The following DTD2 variants were observed in gnomAD, a reference collection of about 807,000 sequenced individuals.
DTD2 encodes the protein D-aminoacyl-tRNA deacylase 2.
DTD2 carries 12 observed loss-of-function variants against 15.5 expected under a neutral mutation model. That is an observed-to-expected ratio of 0.77 (90% CI 0.50 to 1.25). DTD2 has a LOEUF of 1.25. DTD2 is among the 50% of genes most tolerant of loss of function. The pLI is 0.00. For synonymous variants in DTD2, 59 were observed against 77.3 expected (o/e 0.76, Z 1.24); for missense variants, 170 against 201.1 (o/e 0.85, Z 0.93).
intron 2 of DTD2, 114 bp downstream of exon 2, chr14:31,453,161 A>T (rs1329418645): frequency 2.7e-5 from 26 of 955,930 alleles, no homozygotes; most frequent in Non-Finnish European, 3.8e-5. Flanking sequence ...CTGGCTTCTA[A>T]CTCCTGGGTT....
At chr14:31,453,444 G>C (rs550378404) in intron 1 of DTD2, 100 bp from the exon 2 acceptor site, 1 of 955,398 alleles carries the variant, frequency 1.0e-6, no homozygotes. Flanking sequence ...TATAGACATA[G>C]AGGTTAAAAG....
At position 31,453,311 on chromosome 14, in the gene DTD2, A is replaced by G; in HGVS notation, c.145T>C (p.Phe49Leu). ...AGAAGTTCTTTATCAGCTCCCTTGAAAAAGCACACGTAGATCACCAGTCCT... is the reference window on the plus strand; with the variant it reads ...AGAAGTTCTTTATCAGCTCCCTTGAGAAAGCACACGTAGATCACCAGTCCT... ...QRGLVIYVCF[F>L]KGADKELLPK... The change falls in exon 2 of 3, where the codon TTC becomes CTC. Residue 49 changes from phenylalanine (F) to leucine (L), a missense_variant. Physicochemically the swap from Phe to Leu is conservative, Grantham distance 22. Coordinates refer to ENST00000310850, the MANE Select transcript of DTD2 (RefSeq NM_080664.3). The G allele has an allele frequency of 6.2e-7, 1 of 1,614,108 alleles. No individual in the cohort carries two copies. The highest frequency in any genetic ancestry group is 8.5e-7 in the Non-Finnish European group (1 of 1,180,022).
intron 2 of DTD2, chr14:31,452,265 A>G (rs2139362182): frequency 6.6e-6 from 1 of 152,372 alleles, no homozygotes; most frequent in East Asian, 1.9e-4. Flanking sequence ...CATCTTGTAT[A>G]TACAGTGTCA....
chr14:31,452,619 C>T (rs2032049835), intron 2 of DTD2: 1 of 152,112 alleles, frequency 6.6e-6, no homozygotes, highest in Admixed American at 6.5e-5. Flanking sequence ...TTAATGGATA[C>T]AAAATTATAG....
At chr14:31,450,608 A>T (rs2139361044) in intron 2 of DTD2, among the ~76,000 whole-genome samples, 1 of 152,282 alleles carries the variant, frequency 6.6e-6, no homozygotes, top group East Asian at 1.9e-4. Context: ...AGCCTGCTGG[A>T]ATAGAGGGAA....
At chr14:31,455,506 G>C (rs1270744414) in intron 1 of DTD2, among the ~76,000 whole-genome samples, 1 of 139,100 alleles carries the variant, frequency 7.2e-6, no homozygotes, top group Non-Finnish European at 1.5e-5. Flanking sequence ...AGCCGAGATT[G>C]CGCCATTGCA....
chr14:31,457,314 G>A lies in DTD2; in HGVS notation c.80C>T (p.Ala27Val), dbSNP rs776132345. Residue 27 changes from alanine to valine, a missense_variant, in exon 1 of 3, where the codon GCC becomes GTC. By Grantham distance (64) the Ala-to-Val change is moderately conservative (BLOSUM62 0). Coordinates refer to ENST00000310850, the MANE Select transcript of DTD2 (RefSeq NM_080664.3). ...CLHARLQIRP[A>V]DGDVAAQWVE... ...CCACTGGGCCGCGACGTCCCCATCG[G>A]CTGGGCGAATTTGCAGCCGGGCGTG... 4.4e-6 allele frequency: 7 copies of A among 1,593,798 alleles called. No individual in the cohort carries two copies. The Admixed American group carries it at 8.7e-5, about 20-fold the overall frequency.
chr14:31,457,072 G>A lies in DTD2; in HGVS notation c.111+211C>T, dbSNP rs149886739. On this transcript the variant is annotated intron_variant, in intron 1 of 2. Coordinates refer to ENST00000310850, the MANE Select transcript of DTD2 (RefSeq NM_080664.3). The stretch of plus-strand genomic sequence containing the variant: ...GGGAGACACGCTCTTCCTCTCGGGT[G>A]CTACAACTGGCGCTGGGGAACGGTG... 1,379 of 570,634 alleles carry A rather than the reference G, an allele frequency of 2.4e-3. 8 individuals carry two copies. The highest frequency in any genetic ancestry group is 8.5e-3 in the South Asian group (407 of 47,922). The allele number at this position is 570,634 out of a possible 1,614,324, so 35.3% of individuals were successfully genotyped here. A position where few individuals can be genotyped will look rare whatever the true frequency, so the allele number is the denominator to read the frequency against.
Position 31,455,102 on chromosome 14 carries a change from T to C in DTD2, c.112-1758A>G, listed in dbSNP as rs527607930. Among the ~76,000 whole-genome samples, 3 of 152,322 alleles carry C rather than the reference T, an allele frequency of 2.0e-5. No individual in the cohort carries two copies. The East Asian group carries it at 5.8e-4, about 29-fold the overall frequency. ...AAGCCTTTAAAATAGTTTTTAAGTT[T>C]ATAAACACAAACTGATAGTTTGGAT... On this transcript the variant is annotated intron_variant, in intron 1 of 2. Coordinates refer to ENST00000310850, the MANE Select transcript of DTD2 (RefSeq NM_080664.3).
rs199939711 is a variant in DTD2 at position 31,453,286 on chromosome 14, A to G, written c.170T>C (p.Leu57Pro). ...CFFKGADKEL[L>P]PKMVNTLLNV... is the part of the protein sequence containing the mutation. The stretch of plus-strand genomic sequence containing the variant: ...AGTCAAACACATACCCATTTTGGGA[A>G]GAAGTTCTTTATCAGCTCCCTTGAA... The change falls in exon 2 of 3, where the codon CTT (leucine) becomes CCT (proline). Residue 57 changes from leucine to proline, a missense_variant. Coordinates refer to ENST00000310850, the MANE Select transcript of DTD2 (RefSeq NM_080664.3). The G allele has an allele frequency of 4.3e-6, 7 of 1,614,038 alleles. No individual in the cohort carries two copies. Among genetic ancestry groups the G allele is most frequent in the Non-Finnish European group, 5.9e-6 (7 of 1,180,002 alleles).
In DTD2 at chr14:31,448,192, A is replaced by G. The variant is rs780150546; in HGVS notation, c.444T>C (p.Tyr148=). ...CCAGCTTTAACACCTGCCTGTTCCC[A>G]TAAGTGCCATGTTCCACTACAACCC... ...EARVVVEHGT[Y]GNRQVLKLDT... Residue 148 remains tyrosine (Y), a synonymous_variant, in exon 3 of 3, where the codon TAT becomes TAC. Transcript: ENST00000310850. 21 of 1,614,056 alleles carry G rather than the reference A, an allele frequency of 1.3e-5. No homozygotes were observed. The highest frequency in any genetic ancestry group is 4.4e-5 in the South Asian group (4 of 91,080).
chr14:31,448,583 CTATT>C, intron 2 of DTD2, 129 bp from the exon 3 acceptor site: 1 of 745,744 alleles, frequency 1.3e-6, no homozygotes, highest in South Asian at 2.0e-5. Context: ...CCCAAAGTCT[CTATT>C]TAGATTTAAA....
rs980429080 is a variant in DTD2, at chr14:31,448,164, T to C, written c.472A>G (p.Thr158Ala). 10 of 1,613,802 alleles carry C rather than the reference T, an allele frequency of 6.2e-6. No homozygotes were observed. Among genetic ancestry groups the C allele is most frequent in the Non-Finnish European group, 8.5e-6 (10 of 1,179,826 alleles). The change falls in exon 3 of 3, where the codon ACC (threonine) becomes GCC (alanine). Residue 158 changes from threonine (T) to alanine (A), a missense_variant. By Grantham distance (58) the Thr-to-Ala change is moderately conservative. Transcript: ENST00000310850. ...YGNRQVLKLD[T>A]NGPFTHLIEF ...ATTAAGTGTGTGAATGGTCCGTTGG[T>C]GTCCAGCTTTAACACCTGCCTGTTC...
chr14:31,456,491 C>T (rs1362892583), intron 1 of DTD2, among the ~76,000 whole-genome samples: 1 of 152,048 alleles, frequency 6.6e-6, no homozygotes, highest in Non-Finnish European at 1.5e-5. Flanking sequence ...CCGAATTCAG[C>T]AGAAAAGGCG....
intron 2 of DTD2, among the ~76,000 whole-genome samples, chr14:31,450,082 C>T (rs1026195638): frequency 6.6e-6 from 1 of 152,186 alleles, no homozygotes; most frequent in Non-Finnish European, 1.5e-5. Context: ...TCATTCCACT[C>T]GAAATCACTA....
intron 2 of DTD2, among the ~76,000 whole-genome samples, chr14:31,449,572 T>C (rs957399223): frequency 2.6e-5 from 4 of 152,236 alleles, no homozygotes; most frequent in Admixed American, 1.3e-4. Context: ...AATATCCATA[T>C]ATAGCTAAAA....
chr14:31,447,073 G>C lies in DTD2; in HGVS notation c.*1056C>G, dbSNP rs1384738460. 6.6e-6 allele frequency: 1 copy of C among 152,062 alleles called. No homozygotes were observed. The highest frequency in any genetic ancestry group is 1.5e-5 in the Non-Finnish European group (1 of 68,006). 9.4% of individuals were successfully genotyped at this position (152,062 alleles called of 1,614,324 possible). A position where few individuals can be genotyped will look rare whatever the true frequency, so the allele number is the denominator to read the frequency against. On this transcript the variant is annotated 3_prime_UTR_variant, in exon 3 of 3. Coordinates refer to ENST00000310850, the MANE Select transcript of DTD2 (RefSeq NM_080664.3). The stretch of plus-strand genomic sequence containing the variant: ...CTTATATCAAGTAAAGATTCTTAAA[G>C]TAATGTAAAACATTTGAATGTCCCT...
intron 2 of DTD2, among the ~76,000 whole-genome samples, chr14:31,449,792 G>A (rs1192643768): frequency 6.6e-6 from 1 of 152,130 alleles, no homozygotes; most frequent in Non-Finnish European, 1.5e-5. Context: ...GCATTAAAAG[G>A]CATGCTTTCT....
In DTD2 at chr14:31,455,828, G is replaced by A. The variant is rs538700457; in HGVS notation, c.111+1455C>T. 1.9e-3 allele frequency among the ~76,000 whole-genome samples: 288 copies of A among 151,826 alleles called. 1 individual carries two copies. The highest frequency in any genetic ancestry group is 3.6e-3 in the Non-Finnish European group (244 of 67,944). On this transcript the variant is annotated intron_variant, in intron 1 of 2. Transcript: ENST00000310850. ...AACTCCTGACCTCAAGTGATCCGCC[G>A]GCCTTGGCCTCCCAAAGTGCTGGGA... is the stretch of plus-strand genomic sequence containing the variant.
Sources: gnomAD v4.1 joint callset for allele counts (sites outside exome capture counted in the v4.1 genomes callset) on GRCh38, gnomAD v4.1.1 for gene constraint, MANE v1.5 for transcripts, NCBI Gene and HGNC (gene_info 2026-07-23, HGNC 2026-07-21) for gene names.